The following ZFPM2 variants were observed in gnomAD, a reference collection of about 807,000 sequenced individuals.
ZFPM2 encodes zinc finger protein, FOG family member 2, also known as zinc finger protein ZFPM2.
Under a neutral mutation model 98.6 loss-of-function variants are expected in ZFPM2, and 20 were observed. The ratio of observed to expected loss-of-function variants is 0.20; its 90% CI spans 0.14 to 0.29. The LOEUF (loss-of-function observed/expected upper bound fraction) is 0.29. ZFPM2 is among the 10% of genes least tolerant of loss of function. The pLI is 1.00. For synonymous variants in ZFPM2, 518 were observed against 502.7 expected, an observed-to-expected ratio of 1.03 and a Z score of -0.41; for missense variants, 1,310 against 1,388.6, an observed-to-expected ratio of 0.94 and a Z score of 0.90.
intron 2 of ZFPM2, among the ~76,000 whole-genome samples, chr8:105,424,375 A>G (rs1301844120): frequency 6.6e-6 from 1 of 152,162 alleles, no homozygotes; most frequent in Admixed American, 6.5e-5. Flanking sequence ...GGTCAGAGAC[A>G]TTCTTGGGTA....
Position 105,802,683 on chromosome 8 carries a change from A to G in ZFPM2, c.2601A>G (p.Glu867=). 6.2e-7 allele frequency: 1 copy of G among 1,611,300 alleles called. No individual in the cohort carries two copies. The highest frequency in any genetic ancestry group is 8.5e-7 in the Non-Finnish European group (1 of 1,178,706). The change falls in exon 8 of 8, where the codon GAA becomes GAG. Residue 867 remains glutamate (E), a synonymous_variant. Coordinates refer to ENST00000407775, the MANE Select transcript of ZFPM2 (RefSeq NM_012082.4). ...GCAAGATCAGTTTCAATAAGGTAGA[A>G]AACTATCTGGCCCACAAGCAGAATT... ...TVCKISFNKV[E]NYLAHKQNFC...
At chr8:105,641,609 G>A (rs1816950017) in intron 5 of ZFPM2, among the ~76,000 whole-genome samples, 2 of 152,032 alleles carry the variant, frequency 1.3e-5, no homozygotes, top group Admixed American at 1.3e-4. Flanking sequence ...CAAATAGTGA[G>A]CCTTGTGTCA....
intron 3 of ZFPM2, among the ~76,000 whole-genome samples, chr8:105,490,155 G>A (rs144043879): frequency 2.0e-5 from 3 of 152,152 alleles, no homozygotes; most frequent in South Asian, 4.1e-4. Context: ...GCTGAGGCAG[G>A]AGAATTGCTT....
intron 5 of ZFPM2, among the ~76,000 whole-genome samples, chr8:105,704,817 A>T (rs1185512476): frequency 1.3e-5 from 2 of 152,190 alleles, no homozygotes; most frequent in Non-Finnish European, 1.5e-5. Flanking sequence ...TATGAATCCC[A>T]GTTCATTTTC....
intron 5 of ZFPM2, among the ~76,000 whole-genome samples, chr8:105,676,198 T>C (rs1810451376): frequency 6.6e-6 from 1 of 152,194 alleles, no homozygotes; most frequent in East Asian, 1.9e-4. Context: ...CCTAACTATT[T>C]TGACCATAAC....
intron 5 of ZFPM2, among the ~76,000 whole-genome samples, chr8:105,738,235 T>C (rs1398266482): frequency 1.3e-5 from 2 of 152,076 alleles, no homozygotes; most frequent in Non-Finnish European, 2.9e-5. Flanking sequence ...TTTGTTCTCA[T>C]CATTTTGCTC....
At chr8:105,484,606 T>C (rs182178217) in intron 3 of ZFPM2, among the ~76,000 whole-genome samples, 17 of 152,326 alleles carry the variant, frequency 1.1e-4, no homozygotes, top group African/African-American at 3.8e-4. Context: ...GTTTAATTAA[T>C]GAGTACACGT....
At chr8:105,690,172 C>G (rs1810843954) in intron 5 of ZFPM2, among the ~76,000 whole-genome samples, 1 of 152,132 alleles carries the variant, frequency 6.6e-6, no homozygotes, top group Admixed American at 6.5e-5. Flanking sequence ...TTGATGTTTC[C>G]CAGGGTTCAC....
At chr8:105,793,946 C>G (rs181284513) in intron 6 of ZFPM2, among the ~76,000 whole-genome samples, 1 of 152,240 alleles carries the variant, frequency 6.6e-6, no homozygotes, top group East Asian at 1.9e-4. Context: ...TTAAGCACTT[C>G]TCTGTATTGG....
chr8:105,686,877 G>A (rs1563521285), intron 5 of ZFPM2, among the ~76,000 whole-genome samples: 1 of 152,040 alleles, frequency 6.6e-6, no homozygotes, highest in Non-Finnish European at 1.5e-5. Flanking sequence ...ATTATTTACA[G>A]TCTCTGCCAG....
intron 4 of ZFPM2, among the ~76,000 whole-genome samples, chr8:105,563,087 T>C (rs569728580): frequency 6.6e-6 from 1 of 152,290 alleles, no homozygotes; most frequent in South Asian, 2.1e-4. Flanking sequence ...GGAACAGTCT[T>C]GTGACTTTTA....
intron 5 of ZFPM2, among the ~76,000 whole-genome samples, chr8:105,750,926 A>G (rs1207572355): frequency 6.6e-6 from 1 of 152,116 alleles, no homozygotes; most frequent in African/African-American, 2.4e-5. Flanking sequence ...GGATATGTTA[A>G]CACTACCCTT....
At chr8:105,610,466 GA>G (rs1816286467) in intron 4 of ZFPM2, among the ~76,000 whole-genome samples, 1 of 152,062 alleles carries the variant, frequency 6.6e-6, no homozygotes, top group Admixed American at 6.6e-5. Context: ...AACTTTTACT[GA>G]AAATGAGTCT....
intron 3 of ZFPM2, among the ~76,000 whole-genome samples, chr8:105,538,485 GT>G (rs1814506940): frequency 6.6e-6 from 1 of 152,148 alleles, no homozygotes; most frequent in East Asian, 1.9e-4. Context: ...ATCTCCTGTC[GT>G]TTAGGATAAA....
chr8:105,348,303 G>A (rs1321468980), intron 1 of ZFPM2, among the ~76,000 whole-genome samples: 3 of 152,156 alleles, frequency 2.0e-5, no homozygotes, highest in African/African-American at 4.8e-5. Flanking sequence ...TGTATAAGAA[G>A]CAGAGACTTA....
chr8:105,568,822 C>T lies in ZFPM2; in HGVS notation c.420+7341C>T, dbSNP rs1363581373. On this transcript the variant is annotated intron_variant, in intron 4 of 7. Transcript: ENST00000407775. ...CTAAAAAAGGCCTTCCTGTTACTCA[C>T]CTCCCCAGGTGATGCTCACCTCCCC... is the stretch of plus-strand genomic sequence containing the variant. Among the ~76,000 whole-genome samples the T allele has an allele frequency of 2.0e-5, 3 of 152,024 alleles. No homozygotes were observed. The East Asian group carries it at 5.8e-4, about 29-fold the overall frequency.
intron 1 of ZFPM2, among the ~76,000 whole-genome samples, chr8:105,395,845 A>G (rs1811207955): frequency 6.6e-6 from 1 of 152,218 alleles, no homozygotes; most frequent in Non-Finnish European, 1.5e-5. Flanking sequence ...TGTCAAGGCC[A>G]GAATCAAGGT....
At chr8:105,511,330 C>T (rs1470740534) in intron 3 of ZFPM2, among the ~76,000 whole-genome samples, 2 of 152,170 alleles carry the variant, frequency 1.3e-5, no homozygotes, top group Non-Finnish European at 2.9e-5. Flanking sequence ...GGTAAATAAC[C>T]GATGATGTAT....
At chr8:105,576,020 C>G (rs1029115483) in intron 4 of ZFPM2, among the ~76,000 whole-genome samples, 14 of 152,128 alleles carry the variant, frequency 9.2e-5, no homozygotes, top group Non-Finnish European at 2.9e-5. Flanking sequence ...AAACATAATT[C>G]ATACAGCTAA....
Sources: gnomAD v4.1 joint callset for allele counts (sites outside exome capture counted in the v4.1 genomes callset) on GRCh38, gnomAD v4.1.1 for gene constraint, MANE v1.5 for transcripts, NCBI Gene and HGNC (gene_info 2026-07-23, HGNC 2026-07-21) for gene names.